The following CNTLN variants were observed in gnomAD, a reference collection of about 807,000 sequenced individuals.
The protein encoded by CNTLN is centlein.
In CNTLN, 212 loss-of-function variants were observed where a neutral mutation model predicts 180.0. The ratio of observed to expected loss-of-function variants is 1.18; its 90% CI spans 1.05 to 1.32. The LOEUF (loss-of-function observed/expected upper bound fraction) is 1.32. CNTLN is among the 40% of genes most tolerant of loss of function. The pLI is 0.00. For missense variants in CNTLN, 2,095 were observed against 1,610.9 expected, an observed-to-expected ratio of 1.30 and a Z score of -5.14; for synonymous variants, 722 against 563.1, an observed-to-expected ratio of 1.28 and a Z score of -3.99.
intron 13 of CNTLN, among the ~76,000 whole-genome samples, chr9:17,374,264 T>C (rs1393351635): frequency 6.6e-6 from 1 of 152,108 alleles, no homozygotes; most frequent in African/African-American, 2.4e-5. Flanking sequence ...AAAACTACTC[T>C]GTAGGAAAAA....
intron 18 of CNTLN, among the ~76,000 whole-genome samples, chr9:17,430,492 A>G (rs989604278): frequency 2.6e-5 from 4 of 152,006 alleles, no homozygotes; most frequent in Non-Finnish European, 5.9e-5. Flanking sequence ...TGTGAATTGT[A>G]TGCATTGTGT....
chr9:17,228,788 G>A (rs562254638), intron 3 of CNTLN, among the ~76,000 whole-genome samples: 1 of 152,172 alleles, frequency 6.6e-6, no homozygotes, highest in South Asian at 2.1e-4. Flanking sequence ...GAACCATAAG[G>A]ACTTGATAGT....
chr9:17,406,350 C>T (rs988566385), intron 15 of CNTLN, among the ~76,000 whole-genome samples: 3 of 151,800 alleles, frequency 2.0e-5, no homozygotes, highest in Non-Finnish European at 2.9e-5. Flanking sequence ...TGCTTTCAGC[C>T]TTGTTTTTAG....
chr9:17,315,207 G>T (rs962721986), intron 8 of CNTLN, among the ~76,000 whole-genome samples: 1 of 151,908 alleles, frequency 6.6e-6, no homozygotes, highest in Admixed American at 6.6e-5. Context: ...GTATTTTTTG[G>T]ATAATGTCTT....
At chr9:17,517,117 C>T in the CNTLN span, among the ~76,000 whole-genome samples, 17 of 152,140 alleles carry the variant, frequency 1.1e-4, no homozygotes, top group East Asian at 1.8e-3. Context: ...CTTGGCCGGG[C>T]GCGGTGGCTC....
chr9:17,511,832 T>C, the CNTLN span, among the ~76,000 whole-genome samples: 3 of 152,144 alleles, frequency 2.0e-5, no homozygotes, highest in Admixed American at 1.3e-4. Context: ...GGAAATTGCC[T>C]TGAAGCTGTC....
At chr9:17,263,233 C>G (rs1245442750) in intron 5 of CNTLN, among the ~76,000 whole-genome samples, 1 of 140,938 alleles carries the variant, frequency 7.1e-6, no homozygotes, top group East Asian at 2.2e-4. Context: ...TGATGTTCCC[C>G]TTCCTGTGTC....
intron 18 of CNTLN, among the ~76,000 whole-genome samples, chr9:17,440,789 A>G (rs748506541): frequency 5.9e-5 from 9 of 152,234 alleles, no homozygotes. Context: ...ATATGTTACA[A>G]TATGGATGAA....
At chr9:17,411,565 G>A (rs1448659986) in intron 16 of CNTLN, among the ~76,000 whole-genome samples, 1 of 152,182 alleles carries the variant, frequency 6.6e-6, no homozygotes. Flanking sequence ...TGGCCTGCTA[G>A]GAACTGGCTT....
intron 12 of CNTLN, among the ~76,000 whole-genome samples, chr9:17,356,332 A>G (rs1822846240): frequency 6.6e-6 from 1 of 152,226 alleles, no homozygotes; most frequent in Admixed American, 6.5e-5. Context: ...AAGTAAACTC[A>G]TCTGTTAATT....
chr9:17,394,188 A>C (rs1030846988), intron 14 of CNTLN, among the ~76,000 whole-genome samples: 1 of 152,134 alleles, frequency 6.6e-6, no homozygotes, highest in African/African-American at 2.4e-5. Context: ...ACTTTTAGAC[A>C]TTTGTGTATA....
the CNTLN span, among the ~76,000 whole-genome samples, chr9:17,515,198 C>A: frequency 6.6e-6 from 1 of 152,106 alleles, no homozygotes; most frequent in Non-Finnish European, 1.5e-5. Flanking sequence ...TTCTTGAAAG[C>A]CTGTCTTCAC....
chr9:17,283,388 G>T (rs1226643699), intron 6 of CNTLN, among the ~76,000 whole-genome samples: 1 of 151,982 alleles, frequency 6.6e-6, no homozygotes, highest in East Asian at 1.9e-4. Flanking sequence ...TCATGATTGG[G>T]CTCTCTGCTT....
intron 2 of CNTLN, among the ~76,000 whole-genome samples, chr9:17,171,332 C>A (rs570971954): frequency 2.6e-5 from 4 of 152,212 alleles, no homozygotes; most frequent in African/African-American, 4.8e-5. Flanking sequence ...CTTTCACCTA[C>A]AGATGGGTAC....
chr9:17,505,551 GA>G (rs149134741), downstream of CNTLN, among the ~76,000 whole-genome samples: 1,079 of 152,232 alleles, frequency 7.1e-3, 6 homozygotes, highest in East Asian at 0.011. Context: ...TCCCGAAAAA[GA>G]GAAATACTTA....
At chr9:17,390,374 G>C (rs912027346) in intron 14 of CNTLN, among the ~76,000 whole-genome samples, 9 of 150,522 alleles carry the variant, frequency 6.0e-5, no homozygotes, top group African/African-American at 2.2e-4. Context: ...AAGTAACTGG[G>C]ACTACAGGTG....
chr9:17,492,068 T>C (rs1833191453), intron 25 of CNTLN, among the ~76,000 whole-genome samples: 4 of 152,106 alleles, frequency 2.6e-5, no homozygotes. Context: ...CAGTAACCCA[T>C]ACAGAATTAA....
chr9:17,257,471 T>C (rs1826595214), intron 5 of CNTLN, among the ~76,000 whole-genome samples: 2 of 151,998 alleles, frequency 1.3e-5, no homozygotes, highest in South Asian at 4.1e-4. Flanking sequence ...GCATGATTTA[T>C]AGTCCTTTGG....
intron 5 of CNTLN, among the ~76,000 whole-genome samples, chr9:17,257,343 A>G (rs1202354504): frequency 6.6e-6 from 1 of 152,126 alleles, no homozygotes; most frequent in Non-Finnish European, 1.5e-5. Context: ...TCCATGGTGT[A>G]TATGTGCCAC....
Sources: allele counts gnomAD v4.1 joint callset (sites outside exome capture counted in the v4.1 genomes callset), GRCh38; gene constraint gnomAD v4.1.1; transcripts MANE v1.5; gene names NCBI Gene and HGNC (gene_info 2026-07-23, HGNC 2026-07-21).